The following PDLIM5 variants were observed in gnomAD, a reference collection of about 807,000 sequenced individuals.
PDLIM5 encodes the protein PDZ and LIM domain 5, also known as PDZ and LIM domain protein 5.
A neutral mutation model predicts 64.2 loss-of-function variants in PDLIM5; 34 were observed. That is an observed-to-expected ratio of 0.53 (90% CI 0.40 to 0.71). The LOEUF is 0.71. Among genes scored for constraint, PDLIM5 ranks in the 30% least tolerant of loss-of-function variants. PDLIM5 has a pLI of 0.00. For missense variants in PDLIM5, 683 were observed against 733.6 expected (o/e 0.93, Z 0.80); for synonymous variants, 253 against 269.1 (o/e 0.94, Z 0.59).
intron 2 of PDLIM5, among the ~76,000 whole-genome samples, chr4:94,477,761 C>T (rs913654096): frequency 6.6e-6 from 1 of 152,072 alleles, no homozygotes; most frequent in Non-Finnish European, 1.5e-5. Context: ...CCTGTCCTGC[C>T]TCCCCTTCCA....
In PDLIM5 at chr4:94,666,060, T is replaced by C. The variant is rs1324763869; in HGVS notation, c.*1993T>C. On this transcript the variant is annotated 3_prime_UTR_variant, in exon 13 of 13. Coordinates refer to ENST00000317968, the MANE Select transcript of PDLIM5 (RefSeq NM_006457.5). ...AGTCCATGAACCTCCTAAGTTATAA[T>C]TTAAATTTGTTTGGGGCAAGGTGAT... 2.6e-6 allele frequency: 4 copies of C among 1,525,048 alleles called. No individual in the cohort carries two copies. The highest frequency in any genetic ancestry group is 3.5e-6 in the Non-Finnish European group (4 of 1,138,462). The allele number at this position is 1,525,048 out of a possible 1,614,324, so 94.5% of individuals were successfully genotyped here.
chr4:94,587,098 C>G (rs891331877), intron 7 of PDLIM5: 2 of 1,598,956 alleles, frequency 1.3e-6, no homozygotes, highest in East Asian at 2.2e-5. Flanking sequence ...GAGCCTTGCC[C>G]CCCAAGCAGC....
intron 7 of PDLIM5, among the ~76,000 whole-genome samples, chr4:94,601,796 A>G (rs2110351613): frequency 6.6e-6 from 1 of 152,322 alleles, no homozygotes; most frequent in South Asian, 2.1e-4. Context: ...TTGAAAACCA[A>G]TTAATAAATG....
intron 10 of PDLIM5, among the ~76,000 whole-genome samples, chr4:94,655,648 A>G (rs1225158831): frequency 6.6e-6 from 1 of 152,232 alleles, no homozygotes; most frequent in Non-Finnish European, 1.5e-5. Context: ...GTACCTTCCC[A>G]AATGATAACA....
intron 3 of PDLIM5, among the ~76,000 whole-genome samples, chr4:94,553,898 AT>A (rs778830053): frequency 2.1e-4 from 32 of 152,186 alleles, no homozygotes; most frequent in Non-Finnish European, 4.1e-4. Context: ...AAATGTGAAA[AT>A]ATTTTCTGAA....
chr4:94,630,218 CACA>C (rs993993998), intron 8 of PDLIM5, among the ~76,000 whole-genome samples: 1 of 152,062 alleles, frequency 6.6e-6, no homozygotes, highest in African/African-American at 2.4e-5. Context: ...TTTATACAAG[CACA>C]ACATTAGCTT....
rs561077203 is a variant in PDLIM5 at position 94,506,258 on chromosome 4, G to T, written c.97-17466G>T. Among the ~76,000 whole-genome samples the T allele has an allele frequency of 7.2e-5, 11 of 152,268 alleles. No individual in the cohort carries two copies. The East Asian group carries it at 2.1e-3, about 29-fold the overall frequency. The stretch of plus-strand genomic sequence containing the variant: ...TAATTCCTAGTATGATATAATTTAT[G>T]GATCTTTCTGTGTTCTGATGGTGAT... On this transcript the variant is annotated intron_variant, in intron 2 of 12. Transcript: ENST00000317968.
rs188509471 is a variant in PDLIM5, at chr4:94,656,418, A to T, written c.1465-1009A>T. ...TCTTTATAACTTGGTATGTTTAACCATTGGGCCATTGCTGACTAGAATATG... is the reference window on the plus strand; with the variant it reads ...TCTTTATAACTTGGTATGTTTAACCTTTGGGCCATTGCTGACTAGAATATG... On this transcript the variant is annotated intron_variant, in intron 10 of 12. Coordinates refer to ENST00000317968, the MANE Select transcript of PDLIM5 (RefSeq NM_006457.5). 1.7e-3 allele frequency among the ~76,000 whole-genome samples: 257 copies of T among 152,128 alleles called. 1 individual carries two copies. The highest frequency in any genetic ancestry group is 3.4e-3 in the Middle Eastern group (1 of 294).
At chr4:94,471,624 ATGCCTG>A (rs1307307795) in intron 2 of PDLIM5, among the ~76,000 whole-genome samples, 1 of 152,194 alleles carries the variant, frequency 6.6e-6, no homozygotes, top group Non-Finnish European at 1.5e-5. Flanking sequence ...CTGGAACAGA[ATGCCTG>A]TGTGTGGATC....
chr4:94,499,603 CGT>C, intron 2 of PDLIM5, among the ~76,000 whole-genome samples: 1 of 152,090 alleles, frequency 6.6e-6, no homozygotes, highest in South Asian at 2.1e-4. Flanking sequence ...TAGGCAGATG[CGT>C]GTAGGTTATA....
chr4:94,499,979 A>G (rs993700116), intron 2 of PDLIM5, among the ~76,000 whole-genome samples: 1 of 152,194 alleles, frequency 6.6e-6, no homozygotes, highest in Non-Finnish European at 1.5e-5. Context: ...ATTGTCTTCC[A>G]TGAAACCAGT....
intron 5 of PDLIM5, chr4:94,584,326 T>C (rs1018200244): frequency 6.6e-6 from 1 of 152,230 alleles, no homozygotes; most frequent in Non-Finnish European, 1.5e-5. Flanking sequence ...TTCATGATGC[T>C]CAATATATCA....
chr4:94,544,904 T>C (rs1732172999), intron 3 of PDLIM5, among the ~76,000 whole-genome samples: 2 of 152,230 alleles, frequency 1.3e-5, no homozygotes, highest in South Asian at 4.1e-4. Context: ...AATCTCTTGA[T>C]GCAAAGATTA....
At position 94,576,959 on chromosome 4, in the gene PDLIM5, C is replaced by T. The variant is rs561533596; in HGVS notation, c.710+925C>T. Among the ~76,000 whole-genome samples, 18 of 151,768 alleles carry T rather than the reference C, an allele frequency of 1.2e-4. No individual in the cohort carries two copies. In the South Asian group the frequency reaches 3.5e-3, roughly 30 times the overall value. ...TTGAGGAGCAAGGATTTAAGTTGGC[C>T]GTGAGAGGTTATGTACAGTATCTTT... On this transcript the variant is annotated intron_variant, in intron 5 of 12. Transcript: ENST00000317968.
intron 10 of PDLIM5, among the ~76,000 whole-genome samples, chr4:94,657,175 G>A (rs1007250799): frequency 2.0e-5 from 3 of 152,094 alleles, no homozygotes; most frequent in Non-Finnish European, 4.4e-5. Flanking sequence ...AAATAACATA[G>A]TGATCATTCT....
intron 4 of PDLIM5, chr4:94,573,633 G>T: frequency 2.1e-6 from 1 of 487,756 alleles, no homozygotes; most frequent in East Asian, 3.3e-5. Context: ...ACTTATGTCA[G>T]ATTTCTTACA....
intron 2 of PDLIM5, chr4:94,455,681 G>C: frequency 9.5e-7 from 1 of 1,051,330 alleles, no homozygotes; most frequent in Non-Finnish European, 1.4e-6. Context: ...GGAATTCTCT[G>C]AATCTTCGTT....
At chr4:94,556,423 T>C (rs1200770517) in intron 3 of PDLIM5, among the ~76,000 whole-genome samples, 1 of 152,238 alleles carries the variant, frequency 6.6e-6, no homozygotes, top group African/African-American at 2.4e-5. Flanking sequence ...ATATACCCAG[T>C]AATGGGATGG....
chr4:94,651,119 G>A (rs1324702128), intron 9 of PDLIM5, among the ~76,000 whole-genome samples: 3 of 152,294 alleles, frequency 2.0e-5, no homozygotes, highest in East Asian at 3.9e-4. Flanking sequence ...TGTTAAATTA[G>A]TCTTTGCTGA....
Sources: gnomAD v4.1 joint callset for allele counts (sites outside exome capture counted in the v4.1 genomes callset) on GRCh38, gnomAD v4.1.1 for gene constraint, MANE v1.5 for transcripts, NCBI Gene and HGNC (gene_info 2026-07-23, HGNC 2026-07-21) for gene names.